Variants in CENPQ observed in about 807,000 individuals in gnomAD.
CENPQ encodes chromosome 6 open reading frame 139.
Under a neutral mutation model 36.6 loss-of-function variants are expected in CENPQ, and 27 were observed. The observed-to-expected ratio is 0.74, with a 90% CI of 0.54 to 1.02. The LOEUF (loss-of-function observed/expected upper bound fraction) is 1.02. CENPQ is among the 50% of genes least tolerant of loss of function. The pLI is 0.00. For synonymous variants in CENPQ, 101 were observed against 101.7 expected (o/e 0.99, Z 0.04); for missense variants, 306 against 301.8 (o/e 1.01, Z -0.10).
rs1581859029 is a variant in CENPQ at position 49,492,243 on chromosome 6, G to A, written c.775G>A (p.Glu259Lys). ...SQMKSMSTFI[E>K]EAYKKLDAS ...GATGAAGAGCATGTCAACCTTCATT[G>A]AAGAAGCCTATAAGAAACTGGATGC... is the stretch of plus-strand genomic sequence containing the variant. Residue 259 changes from glutamate (E) to lysine (K), a missense_variant, in exon 9 of 9, where the codon GAA becomes AAA. Physicochemically the swap from Glu to Lys is moderately conservative, Grantham distance 56. Coordinates refer to ENST00000335783, the MANE Select transcript of CENPQ (RefSeq NM_018132.4). The A allele has an allele frequency of 6.2e-7, 1 of 1,604,372 alleles. No individual in the cohort carries two copies. The highest frequency in any genetic ancestry group is 1.1e-5 in the South Asian group (1 of 88,274).
At chr6:49,475,508 T>G (rs1216345048) in intron 5 of CENPQ, among the ~76,000 whole-genome samples, 1 of 152,186 alleles carries the variant, frequency 6.6e-6, no homozygotes, top group Non-Finnish European at 1.5e-5. Context: ...CTTTGAAAAC[T>G]GGCACAAGAC....
intron 5 of CENPQ, among the ~76,000 whole-genome samples, chr6:49,476,223 G>C (rs1469633544): frequency 6.6e-6 from 1 of 152,124 alleles, no homozygotes; most frequent in Non-Finnish European, 1.5e-5. Flanking sequence ...TACCAAAACA[G>C]AGATAGAGAC....
chr6:49,491,183 C>A (rs1424556853), intron 8 of CENPQ, among the ~76,000 whole-genome samples: 1 of 152,146 alleles, frequency 6.6e-6, no homozygotes, highest in Non-Finnish European at 1.5e-5. Flanking sequence ...TGTCCTATTT[C>A]GTTCTTTAAA....
chr6:49,477,483 G>A (rs1027117297), intron 5 of CENPQ, among the ~76,000 whole-genome samples: 1 of 150,712 alleles, frequency 6.6e-6, no homozygotes, highest in South Asian at 2.1e-4. Flanking sequence ...GAGTTAATGG[G>A]TACAGCACAC....
chr6:49,484,659 A>G (rs1768534065), intron 6 of CENPQ, among the ~76,000 whole-genome samples: 1 of 152,222 alleles, frequency 6.6e-6, no homozygotes, highest in Admixed American at 6.5e-5. Context: ...CCATTTTTCC[A>G]TAGGATTGAG....
In CENPQ at chr6:49,493,013, G is replaced by A. The variant is rs528813777; in HGVS notation, c.*738G>A. 1.3e-5 allele frequency: 2 copies of A among 148,802 alleles called. No homozygotes were observed. The highest frequency in any genetic ancestry group is 2.1e-4 in the South Asian group (1 of 4,686). The allele number at this position is 148,802 out of a possible 1,614,324, so 9.2% of individuals were successfully genotyped here. Reference sequence around the variant, plus strand: ...ATATGTGAATAAGTTATAACCTAGTGTATAAAAAATTATTTCTAACAAACT... The same window carrying A: ...ATATGTGAATAAGTTATAACCTAGTATATAAAAAATTATTTCTAACAAACT... On this transcript the variant is annotated 3_prime_UTR_variant, in exon 9 of 9. Coordinates refer to ENST00000335783, the MANE Select transcript of CENPQ (RefSeq NM_018132.4).
At chr6:49,481,366 G>A (rs1267338042) in intron 6 of CENPQ, among the ~76,000 whole-genome samples, 5 of 152,064 alleles carry the variant, frequency 3.3e-5, no homozygotes, top group African/African-American at 9.7e-5. Flanking sequence ...GCGGACCCTC[G>A]TGGTGAGTGT....
chr6:49,475,748 G>A (rs1444130429), intron 5 of CENPQ, among the ~76,000 whole-genome samples: 5 of 152,054 alleles, frequency 3.3e-5, no homozygotes, highest in African/African-American at 7.2e-5. Flanking sequence ...AAATCAATGT[G>A]CAAAAATCAC....
intron 1 of CENPQ, among the ~76,000 whole-genome samples, chr6:49,465,574 A>T (rs1237932710): frequency 6.6e-6 from 1 of 152,248 alleles, no homozygotes. Context: ...CTAGAACTGG[A>T]TAACTTGCTG....
intron 1 of CENPQ, among the ~76,000 whole-genome samples, chr6:49,468,838 A>T (rs779352983): frequency 6.6e-6 from 1 of 152,216 alleles, no homozygotes; most frequent in Non-Finnish European, 1.5e-5. Flanking sequence ...GGATGCTCTT[A>T]TTCAGTGAAC....
intron 5 of CENPQ, among the ~76,000 whole-genome samples, chr6:49,475,387 A>C (rs1326465899): frequency 6.6e-6 from 1 of 152,236 alleles, no homozygotes; most frequent in Non-Finnish European, 1.5e-5. Context: ...TTCATGCTAA[A>C]AACTCTAAAT....
chr6:49,472,196 T>G lies in CENPQ; in HGVS notation c.278+13T>G, dbSNP rs771606134. ...AATCAGTAATAATGTGAGTATAAAA[T>G]TGTTCCATTTCATTCTTTTGGTTCC... On this transcript the variant is annotated intron_variant, in intron 4 of 8. Transcript: ENST00000335783. 1.3e-6 allele frequency: 2 copies of G among 1,583,526 alleles called. No homozygotes were observed. Among genetic ancestry groups the G allele is most frequent in the Admixed American group, 3.6e-5 (2 of 55,342 alleles).
chr6:49,488,643 C>G lies in CENPQ; in HGVS notation c.634C>G (p.Pro212Ala). The G allele has an allele frequency of 6.2e-7, 1 of 1,613,686 alleles. No individual in the cohort carries two copies. The highest frequency in any genetic ancestry group is 8.5e-7 in the Non-Finnish European group (1 of 1,179,734). The change falls in exon 8 of 9, where the codon CCG (proline) becomes GCG (alanine). Residue 212 changes from proline to alanine, a missense_variant. Pro to Ala is a conservative substitution (Grantham distance 27). Coordinates refer to ENST00000335783, the MANE Select transcript of CENPQ (RefSeq NM_018132.4). ...QINSSGVLSLPELSQKTLKAP... is the reference protein window; with the variant it reads ...QINSSGVLSLAELSQKTLKAP... Reference sequence around the variant, plus strand: ...AAATAGTAGTGGAGTACTCTCTCTTCCGGAACTTTCTCAGAAAACTCTCAA... The same window carrying G: ...AAATAGTAGTGGAGTACTCTCTCTTGCGGAACTTTCTCAGAAAACTCTCAA...
intron 2 of CENPQ, 70 bp from the exon 3 acceptor site, chr6:49,470,904 T>G: frequency 1.2e-6 from 1 of 835,344 alleles, no homozygotes; most frequent in Non-Finnish European, 1.7e-6. Context: ...TAAAAATCTA[T>G]TGTAAAAGCA....
In CENPQ at chr6:49,488,636, C is replaced by G. The variant is rs1284963703; in HGVS notation, c.627C>G (p.Leu209=). ...QMHQINSSGV[L]SLPELSQKTL... ...ATCAAATAAATAGTAGTGGAGTACT[C>G]TCTCTTCCGGAACTTTCTCAGAAAA... Residue 209 remains leucine, a synonymous_variant, in exon 8 of 9, where the codon CTC becomes CTG. Transcript: ENST00000335783. The G allele has an allele frequency of 1.2e-6, 2 of 1,613,694 alleles. No individual in the cohort carries two copies. Among genetic ancestry groups the G allele is most frequent in the East Asian group, 2.2e-5 (1 of 44,848 alleles).
chr6:49,478,165 A>G (rs1005060700), intron 5 of CENPQ, among the ~76,000 whole-genome samples: 1 of 152,200 alleles, frequency 6.6e-6, no homozygotes, highest in Non-Finnish European at 1.5e-5. Flanking sequence ...AAAGTACAAC[A>G]TTAGCAAACT....
At position 49,471,014 on chromosome 6, in the gene CENPQ, A is replaced by G. The variant is rs1197546052; in HGVS notation, c.143A>G (p.Asp48Gly). ...TVKKNKNHLKDLSSEGQTKHT... is the reference protein window; with the variant it reads ...TVKKNKNHLKGLSSEGQTKHT... ...AAAAAAAATAAAAATCATCTGAAAG[A>G]TCTGTCTTCTGAAGGTATTTCTTTT... The change falls in exon 3 of 9, where the codon GAT becomes GGT. Residue 48 changes from aspartate to glycine, a missense_variant. Transcript: ENST00000335783. The G allele has an allele frequency of 1.3e-6, 2 of 1,525,622 alleles. No homozygotes were observed. Among genetic ancestry groups the G allele is most frequent in the Non-Finnish European group, 1.8e-6 (2 of 1,129,304 alleles). The allele number at this position is 1,525,622 out of a possible 1,614,324, so 94.5% of individuals were successfully genotyped here.
At position 49,472,823 on chromosome 6, in the gene CENPQ, A is replaced by G; in HGVS notation, c.312A>G (p.Glu104=). The change falls in exon 5 of 9, where the codon GAA becomes GAG. Residue 104 remains glutamate, a synonymous_variant. Transcript: ENST00000335783. ...TGAGTAACAGTATTAAAGAAAAAGA[A>G]GAAATACAATACCATCTCAACTTCC... ...TILSNSIKEK[E]EIQYHLNFLK... 6.8e-7 allele frequency: 1 copy of G among 1,460,420 alleles called. No homozygotes were observed. Among genetic ancestry groups the G allele is most frequent in the Non-Finnish European group, 9.3e-7 (1 of 1,074,110 alleles). The allele number at this position is 1,460,420 out of a possible 1,614,324, so 90.5% of individuals were successfully genotyped here. A position where few individuals can be genotyped will look rare whatever the true frequency, so the allele number is the denominator to read the frequency against.
chr6:49,481,107 A>G (rs371840539), intron 6 of CENPQ, 27 bp downstream of exon 6: 1 of 1,558,458 alleles, frequency 6.4e-7, no homozygotes, highest in Admixed American at 2.0e-5. Flanking sequence ...GGGAATCCAT[A>G]ATTAGAGAGT....
Sources: gnomAD v4.1 joint callset for allele counts (sites outside exome capture counted in the v4.1 genomes callset) on GRCh38, gnomAD v4.1.1 for gene constraint, MANE v1.5 for transcripts, NCBI Gene and HGNC (gene_info 2026-07-23, HGNC 2026-07-21) for gene names.